Variants in PBX1 observed in about 807,000 individuals in gnomAD.
The protein encoded by PBX1 is PBX homeobox 1.
A neutral mutation model predicts 53.4 loss-of-function variants in PBX1; 6 were observed. That is an observed-to-expected ratio of 0.11 (90% CI 0.06 to 0.22). PBX1 has a LOEUF of 0.22. Ranked by LOEUF, PBX1 falls within the 10% of genes least tolerant of loss-of-function variation. The probability of loss-of-function intolerance (pLI) is 1.00; values close to 1 mark genes in which losing one functional copy is unlikely to be tolerated. For synonymous variants in PBX1, 204 were observed against 212.3 expected (o/e 0.96, Z 0.34); for missense variants, 251 against 551.4 (o/e 0.46, Z 5.46).
intron 2 of PBX1, among the ~76,000 whole-genome samples, chr1:164,882,810 T>C (rs1672692092): frequency 6.6e-6 from 1 of 152,054 alleles, no homozygotes; most frequent in Non-Finnish European, 1.5e-5. Context: ...TTTATAGGGG[T>C]ATCTGTAATT....
At chr1:164,695,359 C>T (rs1337359982) in intron 2 of PBX1, among the ~76,000 whole-genome samples, 2 of 152,130 alleles carry the variant, frequency 1.3e-5, no homozygotes, top group African/African-American at 2.4e-5. Context: ...TATTTCTCAC[C>T]ATTTTTTTCT....
intron 2 of PBX1, among the ~76,000 whole-genome samples, chr1:164,636,798 A>G (rs1278382493): frequency 6.6e-6 from 1 of 152,042 alleles, no homozygotes; most frequent in African/African-American, 2.4e-5. Flanking sequence ...GCTGATTCTA[A>G]ACTGTGGTGG....
chr1:164,750,160 G>GTGTT lies in PBX1; in HGVS notation c.266-42331_266-42330insTTGT, dbSNP rs1379188642. On this transcript the variant is annotated intron_variant, in intron 2 of 8. Coordinates refer to ENST00000420696, the MANE Select transcript of PBX1 (RefSeq NM_002585.4). ...GGGGCTAGTTGGTGTGTGTGTGTGT[G>GTGTT]TGTGTGTGTGTGTGTGTGTGTGTAC... 2.6e-5 allele frequency among the ~76,000 whole-genome samples: 4 copies of GTGTT among 151,450 alleles called. No individual in the cohort carries two copies. The East Asian group carries it at 7.8e-4, about 30-fold the overall frequency.
At chr1:164,631,609 A>G (rs1571108200) in intron 2 of PBX1, among the ~76,000 whole-genome samples, 8 of 152,324 alleles carry the variant, frequency 5.3e-5, no homozygotes, top group Admixed American at 5.2e-4. Flanking sequence ...TACAAGTGTG[A>G]TAGAAAAAAG....
At chr1:164,826,949 A>G (rs186970924) in intron 8 of PBX1, among the ~76,000 whole-genome samples, 10 of 152,358 alleles carry the variant, frequency 6.6e-5, no homozygotes, top group Admixed American at 2.0e-4. Context: ...AGCTTTTATC[A>G]TTGTAAAACT....
At chr1:164,672,692 A>C (rs994266979) in intron 2 of PBX1, among the ~76,000 whole-genome samples, 16 of 152,248 alleles carry the variant, frequency 1.1e-4, no homozygotes, top group African/African-American at 3.9e-4. Flanking sequence ...TCTGAATATC[A>C]CATAAATGTG....
chr1:164,775,203 A>G (rs1452034303), intron 2 of PBX1, among the ~76,000 whole-genome samples: 2 of 152,172 alleles, frequency 1.3e-5, no homozygotes, highest in African/African-American at 2.4e-5. Context: ...TGTTAACGGA[A>G]GGAGCCAGAT....
At chr1:164,841,288 G>C (rs1165415215) in intron 8 of PBX1, among the ~76,000 whole-genome samples, 2 of 152,182 alleles carry the variant, frequency 1.3e-5, no homozygotes, top group Non-Finnish European at 2.9e-5. Context: ...GCATTCAAGG[G>C]GAAAGAAGCA....
At chr1:164,707,418 T>TGAGAGAGA (rs528876002) in intron 2 of PBX1, among the ~76,000 whole-genome samples, 5 of 118,266 alleles carry the variant, frequency 4.2e-5, no homozygotes, top group African/African-American at 1.9e-4. Flanking sequence ...TGTGTGTGTG[T>TGAGAGAGA]GAGAGAGAGA....
chr1:164,678,040 A>G (rs1160424905), intron 2 of PBX1, among the ~76,000 whole-genome samples: 2 of 152,208 alleles, frequency 1.3e-5, no homozygotes, highest in Non-Finnish European at 2.9e-5. Flanking sequence ...TTTCAATTCA[A>G]CATGGTACCT....
intron 2 of PBX1, among the ~76,000 whole-genome samples, chr1:164,610,257 A>G (rs533766254): frequency 6.6e-6 from 1 of 152,196 alleles, no homozygotes; most frequent in South Asian, 2.1e-4. Context: ...GTAAGCTCTG[A>G]GCTTGACGGT....
intron 2 of PBX1, among the ~76,000 whole-genome samples, chr1:164,616,198 G>A (rs185103411): frequency 6.6e-4 from 100 of 152,220 alleles, no homozygotes; most frequent in African/African-American, 2.3e-3. Flanking sequence ...GATTCCGTGT[G>A]TCAACAAGTC....
intron 2 of PBX1, among the ~76,000 whole-genome samples, chr1:164,689,027 G>C (rs1255989441): frequency 6.6e-6 from 1 of 152,252 alleles, no homozygotes; most frequent in Non-Finnish European, 1.5e-5. Flanking sequence ...ACGCAGAGAG[G>C]CAACGACCTT....
intron 2 of PBX1, among the ~76,000 whole-genome samples, chr1:164,592,466 C>T (rs1655458764): frequency 6.6e-6 from 1 of 152,172 alleles, no homozygotes; most frequent in South Asian, 2.1e-4. Context: ...AGTTGATGGT[C>T]TGTTGAGAAA....
intron 2 of PBX1, among the ~76,000 whole-genome samples, chr1:164,717,137 A>G (rs1008636878): frequency 2.0e-5 from 3 of 152,154 alleles, no homozygotes; most frequent in Non-Finnish European, 4.4e-5. Context: ...GTACGGGTAA[A>G]ATAAAGGAAG....
intron 8 of PBX1, among the ~76,000 whole-genome samples, chr1:164,823,607 C>G (rs907708206): frequency 2.5e-4 from 12 of 48,114 alleles, no homozygotes; most frequent in Non-Finnish European, 4.2e-4. Flanking sequence ...AGCAGTCAGA[C>G]TCTGGGGGGT....
intron 2 of PBX1, chr1:164,700,463 C>T: frequency 2.0e-6 from 2 of 985,320 alleles, no homozygotes; most frequent in Non-Finnish European, 2.4e-6. Context: ...ATTCATGTTA[C>T]TTGATTCTCT....
At chr1:164,771,593 A>T (rs1667375012) in intron 2 of PBX1, 1 of 151,944 alleles carries the variant, frequency 6.6e-6, no homozygotes, top group African/African-American at 2.4e-5. Flanking sequence ...AAAAAAAAAA[A>T]GAATGCAAAT....
chr1:164,825,541 A>G (rs1228605848), intron 8 of PBX1, among the ~76,000 whole-genome samples: 1 of 152,222 alleles, frequency 6.6e-6, no homozygotes, highest in Non-Finnish European at 1.5e-5. Context: ...TCTGATGAGA[A>G]TTACTACTTT....
Sources: allele counts gnomAD v4.1 joint callset (sites outside exome capture counted in the v4.1 genomes callset), GRCh38; gene constraint gnomAD v4.1.1; transcripts MANE v1.5; gene names NCBI Gene and HGNC (gene_info 2026-07-23, HGNC 2026-07-21).